Variants in CYP2E1 observed in about 807,000 individuals in gnomAD.
The protein encoded by CYP2E1 is cytochrome P450 2E1.
Under a neutral mutation model 42.9 loss-of-function variants are expected in CYP2E1, and 31 were observed. That is an observed-to-expected ratio of 0.72 (90% CI 0.54 to 0.98). CYP2E1 has a LOEUF of 0.98. Ranked by LOEUF, CYP2E1 falls within the 50% of genes least tolerant of loss-of-function variation. CYP2E1 has a pLI of 0.00. For synonymous variants in CYP2E1, 244 were observed against 248.9 expected (o/e 0.98, Z 0.19); for missense variants, 565 against 633.2 (o/e 0.89, Z 1.16).
rs1195094707 is a variant in CYP2E1 at position 133,533,784 on chromosome 10, C to T, written c.854C>T (p.Thr285Ile). The change falls in exon 6 of 9, where the codon ACA (threonine) becomes ATA (isoleucine). Residue 285 changes from threonine (T) to isoleucine (I), a missense_variant. Physicochemically the swap from Thr to Ile is moderately conservative, Grantham distance 89 (BLOSUM62 -1). Transcript: ENST00000252945. ...AAGCACAGTGCAGAGCGCTTGTACA[C>T]AATGGACGGTATCACCGTGACTGTG... ...KEKHSAERLY[T>I]MDGITVTVAD... The T allele has an allele frequency of 1.2e-6, 2 of 1,614,090 alleles. No individual in the cohort carries two copies. Among genetic ancestry groups the T allele is most frequent in the Non-Finnish European group, 1.7e-6 (2 of 1,180,042 alleles).
chr10:133,538,068 C>T (rs1851427127), intron 8 of CYP2E1, among the ~76,000 whole-genome samples, 176 bp downstream of exon 8: 1 of 150,460 alleles, frequency 6.6e-6, no homozygotes, highest in Non-Finnish European at 1.5e-5. Context: ...AGAGAAGTTA[C>T]ATAACATCTT....
intron 2 of CYP2E1, among the ~76,000 whole-genome samples, chr10:133,530,611 A>T (rs1200808017): frequency 2.6e-5 from 4 of 152,200 alleles, no homozygotes; most frequent in Non-Finnish European, 5.9e-5. Context: ...TCAGTGGTCA[A>T]TCAGCTAATG....
intron 5 of CYP2E1, among the ~76,000 whole-genome samples, chr10:133,533,381 C>T (rs1340832567): frequency 3.3e-5 from 5 of 152,198 alleles, no homozygotes; most frequent in Non-Finnish European, 7.3e-5. Flanking sequence ...CCAGGACTGT[C>T]TGAGCATCTT....
At position 133,539,101 on chromosome 10, in the gene CYP2E1, A is replaced by T. The variant is rs1851445054; in HGVS notation, c.*137A>T. ...TATTTTCCCAGAATATAAATAAATC[A>T]TCACATGATTATTTTAACTATATGT... On this transcript the variant is annotated 3_prime_UTR_variant, in exon 9 of 9. Coordinates refer to ENST00000252945, the MANE Select transcript of CYP2E1 (RefSeq NM_000773.4). The T allele has an allele frequency of 3.2e-6, 2 of 619,088 alleles. No homozygotes were observed. The highest frequency in any genetic ancestry group is 5.2e-6 in the Non-Finnish European group (2 of 385,702). 38.3% of individuals were successfully genotyped at this position (619,088 alleles called of 1,614,324 possible). A position where few individuals can be genotyped will look rare whatever the true frequency, so the allele number is the denominator to read the frequency against.
intron 2 of CYP2E1, among the ~76,000 whole-genome samples, chr10:133,529,709 C>T (rs1794574646): frequency 6.6e-6 from 1 of 152,264 alleles, no homozygotes; most frequent in African/African-American, 2.4e-5. Context: ...AGCGTGCGCT[C>T]TGCGGGGCGC....
chr10:133,530,733 G>T (rs1207647625), intron 2 of CYP2E1, among the ~76,000 whole-genome samples: 1 of 152,186 alleles, frequency 6.6e-6, no homozygotes, highest in East Asian at 1.9e-4. Flanking sequence ...TGATGGATAA[G>T]AGGAAGACGG....
chr10:133,538,801 A>G lies in CYP2E1; in HGVS notation c.1319A>G (p.Glu440Gly), dbSNP rs1196807939. 1 of 1,613,798 alleles carries G rather than the reference A, an allele frequency of 6.2e-7. No homozygotes were observed. The highest frequency in any genetic ancestry group is 8.5e-7 in the Non-Finnish European group (1 of 1,179,964). ...FSTGKRVCAG[E>G]GLARMELFLL... ...CTAGGAAAACGAGTGTGTGCTGGAG[A>G]AGGCCTGGCTCGCATGGAGTTGTTT... Residue 440 changes from glutamate to glycine, a missense_variant, in exon 9 of 9, where the codon GAA becomes GGA. By Grantham distance (98) the Glu-to-Gly change is moderately conservative. Coordinates refer to ENST00000252945, the MANE Select transcript of CYP2E1 (RefSeq NM_000773.4).
chr10:133,528,650 C>T lies in CYP2E1; in HGVS notation c.337+10C>T, dbSNP rs1162784759. ...GCGCACAGGGACAGGGGTGAGTCCG[C>T]GTCCCTGGCACGGAGCGGGGGGTGC... On this transcript the variant is annotated intron_variant, in intron 2 of 8. Coordinates refer to ENST00000252945, the MANE Select transcript of CYP2E1 (RefSeq NM_000773.4). The T allele has an allele frequency of 3.1e-6, 5 of 1,612,556 alleles. No individual in the cohort carries two copies. The South Asian group carries it at 3.3e-5, about 11-fold the overall frequency.
rs901117541 is a variant in CYP2E1 at position 133,528,656 on chromosome 10, T to C, written c.337+16T>C. Reference sequence around the variant, plus strand: ...AGGGACAGGGGTGAGTCCGCGTCCCTGGCACGGAGCGGGGGGTGCATAACA... The same window carrying C: ...AGGGACAGGGGTGAGTCCGCGTCCCCGGCACGGAGCGGGGGGTGCATAACA... On this transcript the variant is annotated intron_variant, in intron 2 of 8. Transcript: ENST00000252945. 1 of 1,612,420 alleles carries C rather than the reference T, an allele frequency of 6.2e-7. No homozygotes were observed. Among genetic ancestry groups the C allele is most frequent in the Non-Finnish European group, 8.5e-7 (1 of 1,179,774 alleles).
chr10:133,536,626 T>G (rs1259979179), intron 6 of CYP2E1, among the ~76,000 whole-genome samples: 3 of 6,706 alleles, frequency 4.5e-4, no homozygotes, highest in Admixed American at 1.7e-3. Flanking sequence ...GGTGGGTGGA[T>G]GGATGGGTGG....
At chr10:133,531,779 G>C in intron 3 of CYP2E1, 45 bp downstream of exon 3, 1 of 1,533,860 alleles carries the variant, frequency 6.5e-7, no homozygotes, top group Non-Finnish European at 8.7e-7. Context: ...TTGCAGACCA[G>C]CGGTGTGGGG....
Position 133,537,207 on chromosome 10 carries a change from A to T in CYP2E1, c.1112A>T (p.Glu371Val), listed in dbSNP as rs1005539701. The change falls in exon 7 of 9, where the codon GAA becomes GTA. Residue 371 changes from glutamate (E) to valine (V), a missense_variant. By Grantham distance (121) the Glu-to-Val change is moderately radical (BLOSUM62 -2). Transcript: ENST00000252945. ...CTCGTGCCCTCCAACCTGCCCCATG[A>T]AGCAACCCGAGACACCATTTTCAGA... Reference protein sequence around the residue: ...ITLVPSNLPHEATRDTIFRGY... With the variant: ...ITLVPSNLPHVATRDTIFRGY... 2 of 1,614,036 alleles carry T rather than the reference A, an allele frequency of 1.2e-6. No homozygotes were observed. Among genetic ancestry groups the T allele is most frequent in the East Asian group, 4.5e-5 (2 of 44,874 alleles).
chr10:133,527,656 T>C (rs1851286771), intron 1 of CYP2E1, 84 bp downstream of exon 1: 2 of 1,180,618 alleles, frequency 1.7e-6, no homozygotes, highest in Non-Finnish European at 2.5e-6. Flanking sequence ...TGCAGACAAA[T>C]TGTGGTTGTT....
chr10:133,537,199 G>T lies in CYP2E1; in HGVS notation c.1104G>T (p.Leu368=). Residue 368 remains leucine (L), a synonymous_variant, in exon 7 of 9, where the codon CTG becomes CTT. Transcript: ENST00000252945. Reference sequence around the variant, plus strand: ...TCATCACCCTCGTGCCCTCCAACCTGCCCCATGAAGCAACCCGAGACACCA... The same window carrying T: ...TCATCACCCTCGTGCCCTCCAACCTTCCCCATGAAGCAACCCGAGACACCA... The part of the protein sequence containing the change: ...QRFITLVPSN[L]PHEATRDTIF... 5 of 1,614,048 alleles carry T rather than the reference G, an allele frequency of 3.1e-6. No individual in the cohort carries two copies. The highest frequency in any genetic ancestry group is 4.2e-6 in the Non-Finnish European group (5 of 1,179,966).
In CYP2E1 at chr10:133,527,461, G is replaced by T. The variant is rs772430702; in HGVS notation, c.66G>T (p.Met22Ile). Residue 22 changes from methionine to isoleucine, a missense_variant, in exon 1 of 9, where the codon ATG (methionine) becomes ATT (isoleucine). Transcript: ENST00000252945. ...CGGCCTTCCTCCTGCTGGTGTCCAT[G>T]TGGAGGCAGGTGCACAGCAGCTGGA... ...VWAAFLLLVS[M>I]WRQVHSSWNL... 1 of 1,613,696 alleles carries T rather than the reference G, an allele frequency of 6.2e-7. No homozygotes were observed. Among genetic ancestry groups the T allele is most frequent in the Non-Finnish European group, 8.5e-7 (1 of 1,179,958 alleles).
At chr10:133,530,497 T>A (rs1851323122) in intron 2 of CYP2E1, among the ~76,000 whole-genome samples, 1 of 152,100 alleles carries the variant, frequency 6.6e-6, no homozygotes, top group Non-Finnish European at 1.5e-5. Context: ...TCATCTCATG[T>A]GCCCTCCCGC....
intron 5 of CYP2E1, 96 bp from the exon 6 acceptor site, chr10:133,533,660 T>A: frequency 1.5e-6 from 2 of 1,375,770 alleles, no homozygotes; most frequent in Non-Finnish European, 2.0e-6. Context: ...TCTTGGACAC[T>A]GTCTCCTGTG....
intron 6 of CYP2E1, among the ~76,000 whole-genome samples, chr10:133,535,672 T>C (rs1270204260): frequency 5.9e-5 from 9 of 152,184 alleles, no homozygotes; most frequent in Non-Finnish European, 1.3e-4. Flanking sequence ...ATGATTGACA[T>C]GTATATATCC....
chr10:133,528,085 G>T, intron 1 of CYP2E1: 1 of 241,464 alleles, frequency 4.1e-6, no homozygotes, highest in South Asian at 7.5e-5. Context: ...TGGGGCGCAG[G>T]CTGACGGCGG....
Sources: allele counts gnomAD v4.1 joint callset (sites outside exome capture counted in the v4.1 genomes callset), GRCh38; gene constraint gnomAD v4.1.1; transcripts MANE v1.5; gene names NCBI Gene and HGNC (gene_info 2026-07-23, HGNC 2026-07-21).